The following TASP1 variants were observed in gnomAD, a reference collection of about 807,000 sequenced individuals.
The protein encoded by TASP1 is taspase 1, also known as threonine aspartase 1.
In TASP1, 16 loss-of-function variants were observed where a neutral mutation model predicts 56.6. The ratio of observed to expected loss-of-function variants is 0.28; its 90% CI spans 0.19 to 0.43. The LOEUF (loss-of-function observed/expected upper bound fraction) is 0.43, where lower values mean the gene tolerates loss of function less well. TASP1 is among the 20% of genes least tolerant of loss of function. The pLI, the probability that TASP1 is intolerant of heterozygous loss-of-function variation, is 1.00. For synonymous variants in TASP1, 179 were observed against 184.2 expected (o/e 0.97, Z 0.23); for missense variants, 393 against 511.6 (o/e 0.77, Z 2.24).
At chr20:13,247,726 A>G in the TASP1 span, among the ~76,000 whole-genome samples, 1 of 152,176 alleles carries the variant, frequency 6.6e-6, no homozygotes, top group African/African-American at 2.4e-5. Flanking sequence ...AGCTTCATAA[A>G]GGAGAGGAAA....
chr20:13,437,465 C>T (rs959351584), intron 11 of TASP1, among the ~76,000 whole-genome samples: 2 of 152,202 alleles, frequency 1.3e-5, no homozygotes, highest in Non-Finnish European at 2.9e-5. Context: ...GGGATGCCCT[C>T]TCTCACCACT....
chr20:13,263,867 A>T, the TASP1 span, among the ~76,000 whole-genome samples: 1 of 152,254 alleles, frequency 6.6e-6, no homozygotes, highest in East Asian at 1.9e-4. Flanking sequence ...TAGTGACATT[A>T]ATTATAATCT....
At chr20:13,595,096 T>C (rs2047679532) in intron 4 of TASP1, among the ~76,000 whole-genome samples, 2 of 152,144 alleles carry the variant, frequency 1.3e-5, no homozygotes, top group African/African-American at 4.8e-5. Context: ...AAAAGAATTT[T>C]CAACTCAGAA....
chr20:13,318,355 A>G, the TASP1 span, among the ~76,000 whole-genome samples: 1 of 152,198 alleles, frequency 6.6e-6, no homozygotes, highest in Non-Finnish European at 1.5e-5. Context: ...GAGCAACAGG[A>G]ATTCTTATTC....
chr20:13,347,588 C>T, the TASP1 span, among the ~76,000 whole-genome samples: 2 of 152,204 alleles, frequency 1.3e-5, no homozygotes, highest in African/African-American at 4.8e-5. Context: ...CCTGTAATCC[C>T]AGCACTTCGG....
the TASP1 span, chr20:13,164,834 C>A: frequency 1.2e-6 from 2 of 1,613,702 alleles, no homozygotes; most frequent in Non-Finnish European, 1.7e-6. Flanking sequence ...GTCCTGAGCT[C>A]TATGATGAGA....
At chr20:13,333,252 C>T in the TASP1 span, among the ~76,000 whole-genome samples, 35 of 152,078 alleles carry the variant, frequency 2.3e-4, no homozygotes, top group Non-Finnish European at 4.4e-4. Context: ...GTTATTCTAC[C>T]CACACTTGAC....
chr20:13,283,068 T>G, the TASP1 span, among the ~76,000 whole-genome samples: 13 of 152,008 alleles, frequency 8.6e-5, no homozygotes, highest in African/African-American at 2.9e-4. Context: ...AGACATGGAG[T>G]CTTGCCCTGT....
chr20:13,235,715 T>C, the TASP1 span, among the ~76,000 whole-genome samples: 13 of 152,194 alleles, frequency 8.5e-5, no homozygotes, highest in African/African-American at 2.9e-4. Flanking sequence ...GGTTGTCCTT[T>C]CACTGCTTAC....
the TASP1 span, chr20:13,239,572 C>G: frequency 6.6e-6 from 1 of 152,162 alleles, no homozygotes; most frequent in Non-Finnish European, 1.5e-5. Flanking sequence ...GATACGTGGG[C>G]ACATGACAGG....
At chr20:13,472,495 C>T (rs1010736028) in intron 11 of TASP1, among the ~76,000 whole-genome samples, 6 of 150,800 alleles carry the variant, frequency 4.0e-5, no homozygotes, top group Admixed American at 2.0e-4. Context: ...GGATCTAATT[C>T]GACTAAAGAG....
At chr20:13,496,217 T>C (rs1600999799) in intron 10 of TASP1, among the ~76,000 whole-genome samples, 1 of 151,928 alleles carries the variant, frequency 6.6e-6, no homozygotes, top group Non-Finnish European at 1.5e-5. Context: ...CCACACCTGG[T>C]TAATTTTTGT....
the TASP1 span, among the ~76,000 whole-genome samples, chr20:13,374,359 T>TG: frequency 6.6e-6 from 1 of 151,868 alleles, no homozygotes; most frequent in African/African-American, 2.4e-5. Flanking sequence ...ATTTTTTTTT[T>TG]TTTTTTGAGA....
intron 12 of TASP1, among the ~76,000 whole-genome samples, chr20:13,419,796 C>T (rs1046078531): frequency 1.3e-5 from 2 of 152,192 alleles, no homozygotes; most frequent in Non-Finnish European, 2.9e-5. Context: ...ATTCCCTTAT[C>T]ATTAATTAGT....
chr20:13,282,872 T>G, the TASP1 span, among the ~76,000 whole-genome samples: 1 of 152,152 alleles, frequency 6.6e-6, no homozygotes, highest in Non-Finnish European at 1.5e-5. Flanking sequence ...GACCACACTT[T>G]GAGTAGCAAA....
chr20:13,275,895 A>G, the TASP1 span, among the ~76,000 whole-genome samples: 1 of 152,236 alleles, frequency 6.6e-6, no homozygotes, highest in Non-Finnish European at 1.5e-5. Context: ...TCTCCAAGCC[A>G]GTTTCCGTCC....
At chr20:13,209,994 C>T in the TASP1 span, among the ~76,000 whole-genome samples, 2 of 152,162 alleles carry the variant, frequency 1.3e-5, no homozygotes, top group Non-Finnish European at 2.9e-5. Context: ...TCCTTGCAAC[C>T]CATCCCTGTC....
rs1351964900 is a variant in TASP1, at chr20:13,556,744, T to G, written c.675+2264A>C. Among the ~76,000 whole-genome samples the G allele has an allele frequency of 3.3e-5, 5 of 152,304 alleles. No individual in the cohort carries two copies. In the East Asian group the frequency reaches 9.7e-4, roughly 29 times the overall value. ...CATTCTGCCTGGAACACTCTTCCAC[T>G]GAGTCTTCATAAAAGCCACTCATTT... On this transcript the variant is annotated intron_variant, in intron 8 of 13. Coordinates refer to ENST00000337743, the MANE Select transcript of TASP1 (RefSeq NM_017714.3).
chr20:13,364,654 A>T, the TASP1 span, among the ~76,000 whole-genome samples: 1 of 152,252 alleles, frequency 6.6e-6, no homozygotes, highest in African/African-American at 2.4e-5. Context: ...AGATGGGTCA[A>T]CTTGGTATCT....
Sources: allele counts gnomAD v4.1 joint callset (sites outside exome capture counted in the v4.1 genomes callset), GRCh38; gene constraint gnomAD v4.1.1; transcripts MANE v1.5; gene names NCBI Gene and HGNC (gene_info 2026-07-23, HGNC 2026-07-21).